The following ARHGAP12 variants were observed in gnomAD, a reference collection of about 807,000 sequenced individuals.
ARHGAP12 encodes the protein Rho GTPase activating protein 12, also known as rho GTPase-activating protein 12.
Under a neutral mutation model 108.6 loss-of-function variants are expected in ARHGAP12, and 64 were observed. The ratio of observed to expected loss-of-function variants is 0.59; its 90% CI spans 0.48 to 0.73. The LOEUF (loss-of-function observed/expected upper bound fraction) is 0.73, where lower values mean the gene tolerates loss of function less well. Among genes scored for constraint, ARHGAP12 ranks in the 30% least tolerant of loss-of-function variants. The pLI is 0.00. For synonymous variants in ARHGAP12, 312 were observed against 337.2 expected, an observed-to-expected ratio of 0.93 and a Z score of 0.82; for missense variants, 940 against 1,005.9, an observed-to-expected ratio of 0.93 and a Z score of 0.89.
chr10:31,855,478 GTAGT>G (rs1257538145), intron 4 of ARHGAP12, among the ~76,000 whole-genome samples: 1 of 152,132 alleles, frequency 6.6e-6, no homozygotes, highest in Non-Finnish European at 1.5e-5. Flanking sequence ...TCTCAAGATT[GTAGT>G]TAAAGACACT....
intron 3 of ARHGAP12, among the ~76,000 whole-genome samples, chr10:31,869,406 G>A (rs1837454896): frequency 6.6e-6 from 1 of 151,914 alleles, no homozygotes; most frequent in African/African-American, 2.4e-5. Context: ...GTGTGGTGGT[G>A]GGCGCCTGTA....
At chr10:31,879,787 C>T in intron 3 of ARHGAP12, among the ~76,000 whole-genome samples, 1 of 152,118 alleles carries the variant, frequency 6.6e-6, no homozygotes, top group Non-Finnish European at 1.5e-5. Context: ...ATAACTAATA[C>T]CATCAGTGCT....
Position 31,839,673 on chromosome 10 carries a change from A to G in ARHGAP12, c.1335T>C (p.Asn445=), listed in dbSNP as rs1412565920. Residue 445 remains asparagine, a synonymous_variant, in exon 8 of 20, where the codon AAT becomes AAC. Transcript: ENST00000344936. ...GCTTTGGTGAGGAGGGAGAAGACTC[A>G]TTTTCAGGAAAGCAGGGTTTTGAGG... ...PTASKPCFPE[N]ESSPSSPKHQ... 1 of 1,609,106 alleles carries G rather than the reference A, an allele frequency of 6.2e-7. No individual in the cohort carries two copies.
chr10:31,916,866 T>G (rs965317990), intron 1 of ARHGAP12, among the ~76,000 whole-genome samples: 1 of 151,954 alleles, frequency 6.6e-6, no homozygotes. Context: ...CCGCCCGCCT[T>G]GGCCTCCCAA....
intron 9 of ARHGAP12, among the ~76,000 whole-genome samples, chr10:31,835,597 CATTCTTT>C (rs1320449821): frequency 2.6e-5 from 4 of 152,186 alleles, no homozygotes; most frequent in African/African-American, 9.6e-5. Context: ...ATTGATGTTG[CATTCTTT>C]TAGTAAAGTA....
intron 6 of ARHGAP12, among the ~76,000 whole-genome samples, chr10:31,847,951 C>A (rs568011765): frequency 3.3e-5 from 5 of 152,218 alleles, no homozygotes; most frequent in Non-Finnish European, 7.4e-5. Flanking sequence ...TCATGTATTA[C>A]CACAGATTTC....
chr10:31,881,900 A>G (rs1837974647), intron 3 of ARHGAP12, among the ~76,000 whole-genome samples: 1 of 151,732 alleles, frequency 6.6e-6, no homozygotes, highest in Non-Finnish European at 1.5e-5. Flanking sequence ...GGAAAAACAA[A>G]ATTTTTGTTT....
At chr10:31,868,210 C>T (rs12258765) in intron 3 of ARHGAP12, among the ~76,000 whole-genome samples, 7,578 of 151,130 alleles carry the variant, frequency 0.05, 637 homozygotes, top group African/African-American at 0.17. Context: ...AAAAAAAAAT[C>T]TGCATGATCT....
chr10:31,892,347 T>C (rs973665957), intron 3 of ARHGAP12, among the ~76,000 whole-genome samples: 19 of 152,066 alleles, frequency 1.2e-4, no homozygotes, highest in African/African-American at 4.6e-4. Context: ...CCCATCAGTG[T>C]GCTGTATTCA....
In ARHGAP12 at chr10:31,861,653, G is replaced by A. The variant is rs760109385; in HGVS notation, c.690C>T (p.Thr230=). Reference sequence around the variant, plus strand: ...CTGGCCTTCCTTGATTTGGAGGTGTGGTTGCCTGTGAAATAAACATTTTTA... The same window carrying A: ...CTGGCCTTCCTTGATTTGGAGGTGTAGTTGCCTGTGAAATAAACATTTTTA... ...SSSSTEQIRA[T]TPPNQGRPDS... Residue 230 remains threonine, a synonymous_variant, in exon 4 of 20, where the codon ACC becomes ACT. Transcript: ENST00000344936. The A allele has an allele frequency of 1.3e-6, 2 of 1,587,110 alleles. No individual in the cohort carries two copies. The highest frequency in any genetic ancestry group is 2.3e-5 in the South Asian group (2 of 86,510).
intron 1 of ARHGAP12, among the ~76,000 whole-genome samples, chr10:31,915,088 G>C (rs1839498268): frequency 6.6e-6 from 1 of 152,026 alleles, no homozygotes; most frequent in Non-Finnish European, 1.5e-5. Context: ...TAAAAATATT[G>C]ATCTCTTAGA....
At chr10:31,867,111 T>C (rs181735278) in intron 3 of ARHGAP12, among the ~76,000 whole-genome samples, 36 of 150,186 alleles carry the variant, frequency 2.4e-4, no homozygotes, top group South Asian at 1.0e-3. Flanking sequence ...CTTGTTTTCT[T>C]TTTTTTGTTT....
At chr10:31,822,847 T>C (rs903785712) in intron 11 of ARHGAP12, among the ~76,000 whole-genome samples, 2 of 152,058 alleles carry the variant, frequency 1.3e-5, no homozygotes, top group African/African-American at 2.4e-5. Flanking sequence ...CTGGTAACGT[T>C]TGGAGATATT....
intron 1 of ARHGAP12, among the ~76,000 whole-genome samples, chr10:31,927,909 T>A (rs1840116638): frequency 6.6e-6 from 1 of 152,132 alleles, no homozygotes; most frequent in Admixed American, 6.5e-5. Context: ...GGCTGCACGC[T>A]GGTAAAGAGG....
intron 13 of ARHGAP12, among the ~76,000 whole-genome samples, chr10:31,817,329 A>G (rs1343546998): frequency 2.6e-5 from 4 of 152,234 alleles, no homozygotes; most frequent in Non-Finnish European, 5.9e-5. Context: ...TAGGAACACA[A>G]GGGTACTGAA....
intron 15 of ARHGAP12, among the ~76,000 whole-genome samples, chr10:31,811,876 G>A (rs1835036632): frequency 6.6e-6 from 1 of 151,884 alleles, no homozygotes. Flanking sequence ...ACCCAATCTG[G>A]TCTTGAGTTT....
chr10:31,876,516 A>C (rs1484921091), intron 3 of ARHGAP12, among the ~76,000 whole-genome samples: 3 of 146,720 alleles, frequency 2.0e-5, no homozygotes, highest in Admixed American at 6.9e-5. Flanking sequence ...CTCAAAAAAA[A>C]CAAAAACAAA....
chr10:31,840,271 C>T lies in ARHGAP12; in HGVS notation c.1297-560G>A, dbSNP rs564356778. ...ATTTTAAATTCAAGAAAGAAACCTA[C>T]GATTTAAATATTAATAACTCCCCAG... On this transcript the variant is annotated intron_variant, in intron 7 of 19. Transcript: ENST00000344936. 6.0e-5 allele frequency among the ~76,000 whole-genome samples: 9 copies of T among 151,150 alleles called. No individual in the cohort carries two copies. In the South Asian group the frequency reaches 8.3e-4, roughly 14 times the overall value.
chr10:31,909,074 T>C (rs1839252203), intron 2 of ARHGAP12, 148 bp from the exon 3 acceptor site: 4 of 503,456 alleles, frequency 7.9e-6, no homozygotes, highest in Non-Finnish European at 1.0e-5. Flanking sequence ...GTGTCTACTA[T>C]CATATGCACT....
Sources: gnomAD v4.1 joint callset for allele counts (sites outside exome capture counted in the v4.1 genomes callset) on GRCh38, gnomAD v4.1.1 for gene constraint, MANE v1.5 for transcripts, NCBI Gene and HGNC (gene_info 2026-07-23, HGNC 2026-07-21) for gene names.